Variants in ULK4 observed in about 807,000 individuals in gnomAD.
ULK4 encodes the protein unc-51 like kinase 4.
Under a neutral mutation model 160.6 loss-of-function variants are expected in ULK4, and 133 were observed. The ratio of observed to expected loss-of-function variants is 0.83; its 90% CI spans 0.72 to 0.96. ULK4 has a LOEUF of 0.96. Ranked by LOEUF, ULK4 falls within the 40% of genes least tolerant of loss-of-function variation. The pLI is 0.00. For synonymous variants in ULK4, 534 were observed against 539.8 expected (o/e 0.99, Z 0.15); for missense variants, 1,580 against 1,499.5 (o/e 1.05, Z -0.89).
intron 19 of ULK4, among the ~76,000 whole-genome samples, chr3:41,805,885 C>T (rs1168768412): frequency 2.1e-4 from 30 of 146,296 alleles, no homozygotes; most frequent in East Asian, 3.9e-4. Context: ...ATTTGGTTTG[C>T]CAGTATTTTA....
chr3:41,924,996 A>C (rs1009372391), intron 5 of ULK4, among the ~76,000 whole-genome samples: 2 of 152,164 alleles, frequency 1.3e-5, no homozygotes, highest in African/African-American at 4.8e-5. Flanking sequence ...ACTTCCCCCA[A>C]AAGGTATAAG....
intron 32 of ULK4, among the ~76,000 whole-genome samples, chr3:41,526,883 A>T (rs1259130815): frequency 6.7e-6 from 1 of 150,334 alleles, no homozygotes; most frequent in Non-Finnish European, 1.5e-5. Context: ...AGTAAAATAA[A>T]AGTGACATTT....
intron 35 of ULK4, among the ~76,000 whole-genome samples, chr3:41,284,976 A>T (rs193011120): frequency 6.6e-6 from 1 of 152,368 alleles, no homozygotes; most frequent in East Asian, 1.9e-4. Context: ...AATGGCCAAC[A>T]AACATGAAAA....
chr3:41,387,224 TTG>T (rs1343339035), intron 35 of ULK4, among the ~76,000 whole-genome samples: 1 of 152,090 alleles, frequency 6.6e-6, no homozygotes, highest in East Asian at 1.9e-4. Flanking sequence ...TATCATTTCT[TTG>T]TGTTGAAAAT....
intron 34 of ULK4, among the ~76,000 whole-genome samples, chr3:41,445,015 C>A (rs568345764): frequency 2.6e-5 from 4 of 152,216 alleles, no homozygotes; most frequent in Admixed American, 6.5e-5. Flanking sequence ...GATAAGCAAC[C>A]TCAGCGAAGT....
chr3:41,539,781 G>C lies in ULK4; in HGVS notation c.3226+26244C>G, dbSNP rs941715883. Among the ~76,000 whole-genome samples, 5 of 152,082 alleles carry C rather than the reference G, an allele frequency of 3.3e-5. No individual in the cohort carries two copies. The South Asian group carries it at 1.0e-3, about 32-fold the overall frequency. The stretch of plus-strand genomic sequence containing the variant: ...TCCTTCCATGCCTCACCTCTCAACT[G>C]CTTAAGCTCCTGTCCTCTGGGACTT... On this transcript the variant is annotated intron_variant, in intron 32 of 36. Coordinates refer to ENST00000301831, the MANE Select transcript of ULK4 (RefSeq NM_017886.4).
chr3:41,582,615 G>A (rs554340687), intron 31 of ULK4, among the ~76,000 whole-genome samples: 2 of 152,216 alleles, frequency 1.3e-5, no homozygotes, highest in Admixed American at 6.5e-5. Flanking sequence ...GCTTTCACAC[G>A]GCCCTGTTGG....
At chr3:41,814,147 C>G (rs573479041) in intron 19 of ULK4, among the ~76,000 whole-genome samples, 2 of 152,304 alleles carry the variant, frequency 1.3e-5, no homozygotes, top group East Asian at 3.9e-4. Context: ...TTTGGCTTTG[C>G]TGGGTTTGAC....
At chr3:41,252,277 T>C (rs1443781433) in intron 35 of ULK4, among the ~76,000 whole-genome samples, 1 of 151,986 alleles carries the variant, frequency 6.6e-6, no homozygotes, top group Non-Finnish European at 1.5e-5. Context: ...TCAGCTGACA[T>C]GAAAAAAGAC....
intron 35 of ULK4, among the ~76,000 whole-genome samples, chr3:41,376,909 A>G (rs1382895395): frequency 6.7e-6 from 1 of 149,912 alleles, no homozygotes; most frequent in Non-Finnish European, 1.5e-5. Flanking sequence ...AAGAGCCCGC[A>G]TCGCCAAGTC....
chr3:41,748,406 G>T (rs1334001486), intron 22 of ULK4, among the ~76,000 whole-genome samples: 1 of 151,718 alleles, frequency 6.6e-6, no homozygotes, highest in Non-Finnish European at 1.5e-5. Flanking sequence ...TTTCTTAATG[G>T]GATTTTGGTC....
chr3:41,286,056 A>G lies in ULK4; in HGVS notation c.3679-36482T>C, dbSNP rs17055013. Among the ~76,000 whole-genome samples, 1,515 of 152,258 alleles carry G rather than the reference A, an allele frequency of 1.0e-2. 24 individuals are homozygous for G. Among genetic ancestry groups the G allele is most frequent in the African/African-American group, 0.034 (1,431 of 41,538 alleles). The stretch of plus-strand genomic sequence containing the variant: ...GAAATTTGAACCAGAGATTGCCTTA[A>G]AGCTTTCCTCAATATCTAGAGAAAG... On this transcript the variant is annotated intron_variant, in intron 35 of 36. Coordinates refer to ENST00000301831, the MANE Select transcript of ULK4 (RefSeq NM_017886.4).
chr3:41,438,548 A>T (rs1438371740), intron 34 of ULK4, among the ~76,000 whole-genome samples: 1 of 152,176 alleles, frequency 6.6e-6, no homozygotes, highest in Non-Finnish European at 1.5e-5. Context: ...AGCAGCTTGA[A>T]GTTCAAACAC....
rs897902879 is a variant in ULK4, at chr3:41,863,915, G to A, written c.1656+19959C>T. On this transcript the variant is annotated intron_variant, in intron 17 of 36. Transcript: ENST00000301831. ...GCGAGCTATGCAGCCTGGGGTTGGGGGAGGAATGAAGCCAGCACTCCCCAG... is the reference window on the plus strand; with the variant it reads ...GCGAGCTATGCAGCCTGGGGTTGGGAGAGGAATGAAGCCAGCACTCCCCAG... Among the ~76,000 whole-genome samples the A allele has an allele frequency of 3.3e-5, 5 of 151,832 alleles. 1 individual carries two copies. The highest frequency in any genetic ancestry group is 2.6e-4 in the Admixed American group (4 of 15,232).
intron 35 of ULK4, among the ~76,000 whole-genome samples, chr3:41,348,361 C>T (rs1315134654): frequency 6.6e-6 from 1 of 152,082 alleles, no homozygotes; most frequent in East Asian, 1.9e-4. Context: ...ACAAGGTGTA[C>T]TGGGGAACAA....
intron 35 of ULK4, among the ~76,000 whole-genome samples, chr3:41,309,836 A>C (rs1260442728): frequency 6.6e-6 from 1 of 152,204 alleles, no homozygotes; most frequent in Non-Finnish European, 1.5e-5. Flanking sequence ...AGCTGCACTA[A>C]AAAATAATAA....
chr3:41,542,728 T>C (rs1170127457), intron 32 of ULK4, among the ~76,000 whole-genome samples: 1 of 152,202 alleles, frequency 6.6e-6, no homozygotes, highest in Non-Finnish European at 1.5e-5. Flanking sequence ...GGGATTTGAC[T>C]TCTTCCTGGT....
chr3:41,545,820 C>T (rs937971365), intron 32 of ULK4, among the ~76,000 whole-genome samples: 1 of 151,998 alleles, frequency 6.6e-6, no homozygotes, highest in East Asian at 1.9e-4. Context: ...TCTTTTCTTT[C>T]TCTGTCTCTC....
Position 41,850,073 on chromosome 3 carries a change from G to A in ULK4, c.1657-14102C>T, listed in dbSNP as rs994703962. ...GAGAACATGTGGTGTTTGGTTTTTC[G>A]TCCTTGTCATAATTTGCTGAGAATG... On this transcript the variant is annotated intron_variant, in intron 17 of 36. Transcript: ENST00000301831. Among the ~76,000 whole-genome samples the A allele has an allele frequency of 1.4e-4, 21 of 152,042 alleles. No individual in the cohort carries two copies. In the East Asian group the frequency reaches 2.7e-3, roughly 20 times the overall value.
Sources: gnomAD v4.1 joint callset for allele counts (sites outside exome capture counted in the v4.1 genomes callset) on GRCh38, gnomAD v4.1.1 for gene constraint, MANE v1.5 for transcripts, NCBI Gene and HGNC (gene_info 2026-07-23, HGNC 2026-07-21) for gene names.